GALK2: variants seen among roughly 807,000 people sequenced by gnomAD.
GALK2 encodes the protein N-acetylgalactosamine kinase.
In GALK2, 36 loss-of-function variants were observed where a neutral mutation model predicts 52.4. That is an observed-to-expected ratio of 0.69 (90% confidence interval 0.53 to 0.91). The LOEUF is 0.91. Ranked by LOEUF, GALK2 falls within the 40% of genes least tolerant of loss-of-function variation. The pLI, the probability that GALK2 is intolerant of heterozygous loss-of-function variation, is 0.00. For missense variants in GALK2, 579 were observed against 559.1 expected (o/e 1.04, Z -0.36); for synonymous variants, 176 against 199.1 (o/e 0.88, Z 0.98).
chr15:49,196,979 G>A (rs1435700938), intron 1 of GALK2, among the ~76,000 whole-genome samples: 1 of 152,168 alleles, frequency 6.6e-6, no homozygotes, highest in Non-Finnish European at 1.5e-5. Context: ...CTGTAGTTCT[G>A]CTGAGGCTGA....
At chr15:49,206,475 T>G (rs2088297315) in intron 2 of GALK2, among the ~76,000 whole-genome samples, 1 of 152,088 alleles carries the variant, frequency 6.6e-6, no homozygotes, top group Admixed American at 6.6e-5. Context: ...TGTGTTTCCA[T>G]TTGTTTGTGT....
intron 3 of GALK2, among the ~76,000 whole-genome samples, chr15:49,358,793 C>G (rs2151380649): frequency 6.6e-6 from 1 of 152,182 alleles, no homozygotes; most frequent in East Asian, 1.9e-4. Flanking sequence ...AAACTTAAGC[C>G]AGAAGAACAA....
intron 8 of GALK2, among the ~76,000 whole-genome samples, chr15:49,309,597 C>G (rs1442253411): frequency 6.6e-6 from 1 of 151,720 alleles, no homozygotes; most frequent in Admixed American, 6.6e-5. Context: ...CATTCAGAAT[C>G]CTCTTTTCTA....
At chr15:49,335,579 G>C (rs2039563570), downstream of GALK2, 1 of 892,488 alleles carries the variant, frequency 1.1e-6, no homozygotes. Flanking sequence ...GAACCAAGGG[G>C]ACCGTGTGAC....
intron 1 of GALK2, among the ~76,000 whole-genome samples, chr15:49,161,356 T>C (rs1406097273): frequency 6.6e-6 from 1 of 152,230 alleles, no homozygotes; most frequent in Non-Finnish European, 1.5e-5. Flanking sequence ...TAATAAGTGC[T>C]AGTTGGATAA....
At position 49,319,805 on chromosome 15, in the gene GALK2, G is replaced by A. The variant is rs758947223; in HGVS notation, c.1169G>A (p.Arg390Gln). ...PELDQLVDICRKFGAQGSRLT... is the reference protein window; with the variant it reads ...PELDQLVDICQKFGAQGSRLT... ...CTGGATCAGCTGGTGGACATCTGTC[G>A]GTGAGGCAGCCTGGTGGGGGCCAAG... is the stretch of plus-strand genomic sequence containing the variant. Residue 390 changes from arginine to glutamine, a missense_variant and splice_region_variant, in exon 9 of 10, where the codon CGG (arginine) becomes CAG (glutamine). Transcript: ENST00000560031. The A allele has an allele frequency of 1.2e-5, 20 of 1,612,728 alleles. No individual in the cohort carries two copies. Among genetic ancestry groups the A allele is most frequent in the East Asian group, 4.5e-5 (2 of 44,850 alleles).
chr15:49,309,383 G>A (rs1335806082), intron 8 of GALK2, among the ~76,000 whole-genome samples: 1 of 151,952 alleles, frequency 6.6e-6, no homozygotes, highest in Non-Finnish European at 1.5e-5. Flanking sequence ...AAAACATAAT[G>A]ATTTCTTATT....
chr15:49,186,268 T>G (rs2086330378), intron 1 of GALK2, among the ~76,000 whole-genome samples: 1 of 152,210 alleles, frequency 6.6e-6, no homozygotes, highest in African/African-American at 2.4e-5. Context: ...CAGGCTATTT[T>G]CTGTAACTTG....
chr15:49,199,828 A>G (rs2087582585), intron 1 of GALK2, among the ~76,000 whole-genome samples: 1 of 152,138 alleles, frequency 6.6e-6, no homozygotes, highest in Admixed American at 6.6e-5. Flanking sequence ...CAGCAGAGAG[A>G]AGTTTATAAT....
intron 5 of GALK2, among the ~76,000 whole-genome samples, chr15:49,259,958 A>G (rs1447726166): frequency 1.1e-4 from 17 of 151,402 alleles, no homozygotes; most frequent in Non-Finnish European, 2.5e-4. Flanking sequence ...TATGTGCCAC[A>G]TTTTCTTAAT....
intron 8 of GALK2, among the ~76,000 whole-genome samples, chr15:49,319,361 T>G (rs142093027): frequency 1.3e-5 from 2 of 152,300 alleles, no homozygotes; most frequent in East Asian, 3.9e-4. Context: ...TATGCACATG[T>G]GTGTTGAGTG....
intron 1 of GALK2, among the ~76,000 whole-genome samples, chr15:49,180,880 T>G (rs773795013): frequency 6.6e-6 from 1 of 152,182 alleles, no homozygotes; most frequent in African/African-American, 2.4e-5. Flanking sequence ...ATCTTACGGC[T>G]CATATCATAT....
rs182599373 is a variant in GALK2, at chr15:49,180,747, C to G, written c.53+10372C>G. Among the ~76,000 whole-genome samples, 4 of 152,172 alleles carry G rather than the reference C, an allele frequency of 2.6e-5. No individual in the cohort carries two copies. The East Asian group carries it at 7.8e-4, about 29-fold the overall frequency. On this transcript the variant is annotated intron_variant, in intron 1 of 9. Transcript: ENST00000560031. ...TTTTCTGAATGCTGTATGCTTGGGC[C>G]TTTTCATGTCAATTGCCTAGAATGC... is the stretch of plus-strand genomic sequence containing the variant.
intron 3 of GALK2, among the ~76,000 whole-genome samples, chr15:49,362,862 A>G (rs2044489209): frequency 6.6e-6 from 1 of 152,106 alleles, no homozygotes; most frequent in African/African-American, 2.4e-5. Flanking sequence ...GTTTCCCAGC[A>G]CCATTTATTG....
intron 3 of GALK2, among the ~76,000 whole-genome samples, chr15:49,221,133 G>T (rs1165212340): frequency 6.6e-6 from 1 of 152,068 alleles, no homozygotes; most frequent in African/African-American, 2.4e-5. Context: ...GTACTTTTGA[G>T]ATCTTAGTCA....
At chr15:49,366,658 AG>A in intron 3 of GALK2, 1 of 1,547,348 alleles carries the variant, frequency 6.5e-7, no homozygotes, top group Non-Finnish European at 8.9e-7. Context: ...CGGCCGTGGC[AG>A]GGGACAGCCG....
At chr15:49,228,935 T>A (rs934718146) in intron 3 of GALK2, among the ~76,000 whole-genome samples, 1 of 151,724 alleles carries the variant, frequency 6.6e-6, no homozygotes, top group Non-Finnish European at 1.5e-5. Flanking sequence ...CCTCAAGTGA[T>A]CTGCCTGCTT....
chr15:49,281,135 A>G (rs1300772982), intron 5 of GALK2, among the ~76,000 whole-genome samples: 2 of 152,212 alleles, frequency 1.3e-5, no homozygotes, highest in Admixed American at 6.5e-5. Flanking sequence ...GTGCTGGGCC[A>G]TGAAGAAAGA....
intron 1 of GALK2, among the ~76,000 whole-genome samples, chr15:49,174,676 A>T (rs1439759215): frequency 6.6e-6 from 1 of 152,020 alleles, no homozygotes; most frequent in East Asian, 1.9e-4. Flanking sequence ...CTCTTTTTAT[A>T]TGTGTGTATT....
Sources: allele counts gnomAD v4.1 joint callset (sites outside exome capture counted in the v4.1 genomes callset), GRCh38; gene constraint gnomAD v4.1.1; transcripts MANE v1.5; gene names NCBI Gene and HGNC (gene_info 2026-07-23, HGNC 2026-07-21).